The following DOCK3 variants were observed in gnomAD, a reference collection of about 807,000 sequenced individuals.
DOCK3 encodes dedicator of cytokinesis 3, also known as dedicator of cytokinesis protein 3.
DOCK3 carries 60 observed loss-of-function variants against 265.6 expected under a neutral mutation model. The ratio of observed to expected loss-of-function variants is 0.23; its 90% CI spans 0.18 to 0.28. The LOEUF is 0.28. DOCK3 is among the 10% of genes least tolerant of loss of function. The pLI is 1.00. For synonymous variants in DOCK3, 881 were observed against 938.0 expected, an observed-to-expected ratio of 0.94 and a Z score of 1.11; for missense variants, 1,981 against 2,594.3, an observed-to-expected ratio of 0.76 and a Z score of 5.14.
chr3:50,946,373 T>C (rs780972909), intron 5 of DOCK3, among the ~76,000 whole-genome samples: 2 of 152,228 alleles, frequency 1.3e-5, no homozygotes, highest in Non-Finnish European at 2.9e-5. Context: ...TAACAAGATA[T>C]GATAGTTTCA....
At chr3:50,742,288 CCTCT>C (rs945039396) in intron 1 of DOCK3, among the ~76,000 whole-genome samples, 2 of 152,152 alleles carry the variant, frequency 1.3e-5, no homozygotes, top group Non-Finnish European at 2.9e-5. Context: ...AAGCAGAGCG[CCTCT>C]CCTCCTCCAA....
intron 5 of DOCK3, among the ~76,000 whole-genome samples, chr3:51,017,243 G>T (rs2079385261): frequency 6.6e-6 from 1 of 150,560 alleles, no homozygotes; most frequent in African/African-American, 2.5e-5. Flanking sequence ...TTTCATCTCT[G>T]ATTTTATTTG....
chr3:51,060,295 A>T (rs1199435269), intron 5 of DOCK3, among the ~76,000 whole-genome samples: 1 of 152,080 alleles, frequency 6.6e-6, no homozygotes, highest in Non-Finnish European at 1.5e-5. Context: ...CCTTTGACAA[A>T]GTCCTCCTTA....
intron 21 of DOCK3, among the ~76,000 whole-genome samples, chr3:51,243,264 C>T (rs558473838): frequency 8.5e-5 from 13 of 152,264 alleles, no homozygotes; most frequent in African/African-American, 3.1e-4. Flanking sequence ...GGTTTGCTAC[C>T]CCTACCACTT....
chr3:50,749,419 A>G (rs944515374), intron 1 of DOCK3, among the ~76,000 whole-genome samples: 1 of 152,334 alleles, frequency 6.6e-6, no homozygotes, highest in Non-Finnish European at 1.5e-5. Context: ...AACAAGAAGT[A>G]AAAGAAGTGA....
intron 1 of DOCK3, among the ~76,000 whole-genome samples, chr3:50,777,112 C>T (rs1355524364): frequency 1.3e-5 from 2 of 152,160 alleles, no homozygotes; most frequent in Non-Finnish European, 2.9e-5. Context: ...AGTTATCTCC[C>T]ACCAGGTCCC....
At chr3:51,297,954 C>T (rs923839514) in intron 27 of DOCK3, among the ~76,000 whole-genome samples, 19 of 151,756 alleles carry the variant, frequency 1.3e-4, no homozygotes, top group Admixed American at 1.2e-3. Context: ...CCACTGCAGT[C>T]CAGCCTGGGC....
At chr3:50,718,606 A>G (rs910825241) in intron 1 of DOCK3, among the ~76,000 whole-genome samples, 3 of 152,028 alleles carry the variant, frequency 2.0e-5, no homozygotes, top group Non-Finnish European at 4.4e-5. Context: ...TCATCCTCCC[A>G]CAAGAAAACC....
chr3:51,358,730 G>C (rs1052184249), intron 46 of DOCK3, among the ~76,000 whole-genome samples: 17 of 152,312 alleles, frequency 1.1e-4, no homozygotes, highest in African/African-American at 3.8e-4. Flanking sequence ...GCTCCTGAAA[G>C]TCTCCCTAAC....
intron 7 of DOCK3, among the ~76,000 whole-genome samples, chr3:51,081,789 G>A (rs1389157106): frequency 6.6e-5 from 10 of 151,660 alleles, no homozygotes; most frequent in East Asian, 1.9e-4. Context: ...CCAGCTACTC[G>A]GGAGGCTGAG....
At chr3:51,029,589 T>C (rs571953191) in intron 5 of DOCK3, among the ~76,000 whole-genome samples, 110 of 152,314 alleles carry the variant, frequency 7.2e-4, no homozygotes, top group African/African-American at 2.6e-3. Flanking sequence ...CCTGAAGTGG[T>C]TGGTGCCACA....
chr3:51,378,044 G>T (rs921821656), intron 51 of DOCK3, among the ~76,000 whole-genome samples: 1 of 152,162 alleles, frequency 6.6e-6, no homozygotes, highest in Non-Finnish European at 1.5e-5. Context: ...AGGGAGCATG[G>T]GTGAGTGGGC....
chr3:50,922,504 A>G (rs1352918207), intron 4 of DOCK3, among the ~76,000 whole-genome samples: 1 of 152,180 alleles, frequency 6.6e-6, no homozygotes, highest in Non-Finnish European at 1.5e-5. Context: ...TGCGCTTCCC[A>G]CGTGGGGCAA....
intron 22 of DOCK3, among the ~76,000 whole-genome samples, chr3:51,250,550 C>T (rs1017146175): frequency 7.2e-5 from 11 of 152,144 alleles, no homozygotes; most frequent in African/African-American, 2.2e-4. Context: ...ACCTGGGAGG[C>T]GGAGGTTGCA....
chr3:51,289,631 A>AT (rs570167329), intron 27 of DOCK3, among the ~76,000 whole-genome samples: 61 of 148,040 alleles, frequency 4.1e-4, no homozygotes, highest in Admixed American at 5.4e-4. Flanking sequence ...TCCTGAATGG[A>AT]TTTTTTTTTT....
chr3:51,310,217 T>G lies in DOCK3; in HGVS notation c.2923-15T>G, dbSNP rs752894953. ...GTGGTGGTGGTGTCTCACATCAGCT[T>G]TCCTCTGCTGTCAGGAATTTCTGCT... On this transcript the variant is annotated splice_polypyrimidine_tract_variant and intron_variant, in intron 27 of 52. Coordinates refer to ENST00000266037, the MANE Select transcript of DOCK3 (RefSeq NM_004947.5). 3.6e-5 allele frequency: 57 copies of G among 1,583,324 alleles called. No individual in the cohort carries two copies. The Admixed American group carries it at 1.0e-3, about 29-fold the overall frequency.
intron 22 of DOCK3, among the ~76,000 whole-genome samples, chr3:51,249,243 G>A (rs2079033451): frequency 1.4e-5 from 2 of 139,656 alleles, no homozygotes; most frequent in African/African-American, 2.7e-5. Flanking sequence ...TGTCCGGGAG[G>A]TGAGGGGCGC....
At chr3:51,297,384 A>G (rs1576697824) in intron 27 of DOCK3, among the ~76,000 whole-genome samples, 1 of 152,210 alleles carries the variant, frequency 6.6e-6, no homozygotes, top group Non-Finnish European at 1.5e-5. Flanking sequence ...TTCAAAGGCT[A>G]CCATCAAGAT....
At chr3:50,762,303 A>C (rs1218696809) in intron 1 of DOCK3, among the ~76,000 whole-genome samples, 1 of 152,178 alleles carries the variant, frequency 6.6e-6, no homozygotes, top group Non-Finnish European at 1.5e-5. Context: ...GAGGCTTTTT[A>C]AATTGGAAAG....
Sources: gnomAD v4.1 joint callset for allele counts (sites outside exome capture counted in the v4.1 genomes callset) on GRCh38, gnomAD v4.1.1 for gene constraint, MANE v1.5 for transcripts, NCBI Gene and HGNC (gene_info 2026-07-23, HGNC 2026-07-21) for gene names.